Variants in EPHA5 observed in about 807,000 individuals in gnomAD.
EPHA5 encodes ephrin type-A receptor 5.
In EPHA5, 60 loss-of-function variants were observed where a neutral mutation model predicts 105.0. The observed-to-expected ratio is 0.57, with a 90% CI of 0.46 to 0.71. EPHA5 has a LOEUF of 0.71. Among genes scored for constraint, EPHA5 ranks in the 30% least tolerant of loss-of-function variants. The pLI, the probability that EPHA5 is intolerant of heterozygous loss-of-function variation, is 0.00. For missense variants in EPHA5, 1,218 were observed against 1,274.7 expected (o/e 0.96, Z 0.68); for synonymous variants, 513 against 449.1 (o/e 1.14, Z -1.80).
chr4:65,502,875 A>G (rs1489425296), intron 3 of EPHA5, among the ~76,000 whole-genome samples: 1 of 151,848 alleles, frequency 6.6e-6, no homozygotes, highest in Non-Finnish European at 1.5e-5. Flanking sequence ...GTTTCCACCA[A>G]TGGTGGACTG....
chr4:65,421,352 A>G (rs1723930047), intron 5 of EPHA5, among the ~76,000 whole-genome samples: 1 of 152,144 alleles, frequency 6.6e-6, no homozygotes, highest in South Asian at 2.1e-4. Flanking sequence ...AGACATGGCA[A>G]CATAGAATAG....
chr4:65,332,213 T>C lies in EPHA5; in HGVS notation c.2790-85A>G, dbSNP rs1290358572. 1.4e-5 allele frequency: 15 copies of C among 1,106,838 alleles called. No individual in the cohort carries two copies. The South Asian group carries it at 1.7e-4, about 13-fold the overall frequency. The allele number at this position is 1,106,838 out of a possible 1,614,324, so 68.6% of individuals were successfully genotyped here. A position where few individuals can be genotyped will look rare whatever the true frequency, so the allele number is the denominator to read the frequency against. ...TACTATAATGTTAACTCATATTCAA[T>C]GGATCTTTGAGTCTGTAAGTATATT... On this transcript the variant is annotated intron_variant, in intron 15 of 16. Transcript: ENST00000613740.
chr4:65,460,660 A>C (rs537461661), intron 5 of EPHA5, among the ~76,000 whole-genome samples: 1 of 151,866 alleles, frequency 6.6e-6, no homozygotes, highest in African/African-American at 2.4e-5. Context: ...AGGTAGATAA[A>C]AATTAGAGAC....
chr4:65,644,348 T>G (rs1333325711), intron 1 of EPHA5, among the ~76,000 whole-genome samples: 2 of 152,040 alleles, frequency 1.3e-5, no homozygotes, highest in Non-Finnish European at 2.9e-5. Flanking sequence ...CAGATCATTA[T>G]TTTTCCAACC....
rs1299268357 is a variant in EPHA5, at chr4:65,493,520, A to G, written c.1066+1868T>C. 2.6e-5 allele frequency among the ~76,000 whole-genome samples: 4 copies of G among 152,188 alleles called. No individual in the cohort carries two copies. In the East Asian group the frequency reaches 7.7e-4, roughly 29 times the overall value. ...AATCATATGCAGTATTTGTGGTATT[A>G]TGAATGCAACTAAAAACATACACAC... On this transcript the variant is annotated intron_variant, in intron 4 of 16. Coordinates refer to ENST00000613740, the MANE Select transcript of EPHA5 (RefSeq NM_001281766.3).
intron 3 of EPHA5, among the ~76,000 whole-genome samples, chr4:65,565,410 C>T (rs1739433485): frequency 6.6e-6 from 1 of 151,642 alleles, no homozygotes; most frequent in Admixed American, 6.6e-5. Context: ...GCGAAAGGGA[C>T]TCACAAACAT....
At chr4:65,586,557 C>T (rs1222893731) in intron 3 of EPHA5, among the ~76,000 whole-genome samples, 2 of 151,912 alleles carry the variant, frequency 1.3e-5, no homozygotes, top group African/African-American at 2.4e-5. Context: ...TACATCTCTT[C>T]CCCTGTCATT....
chr4:65,483,992 C>G (rs1330034250), intron 5 of EPHA5, among the ~76,000 whole-genome samples: 4 of 152,134 alleles, frequency 2.6e-5, no homozygotes, highest in Admixed American at 2.6e-4. Context: ...CCTATTCAGT[C>G]TACATGGAAG....
intron 3 of EPHA5, among the ~76,000 whole-genome samples, chr4:65,509,928 GACAGGTGGATCTGGTAAC>G (rs1165717254): frequency 2.6e-5 from 4 of 152,008 alleles, no homozygotes; most frequent in African/African-American, 9.7e-5. Flanking sequence ...GAGAGTTCAG[GACAGGTGGATCTGGTAAC>G]ACAGCTAAGC....
chr4:65,623,060 C>T (rs1745843133), intron 2 of EPHA5, among the ~76,000 whole-genome samples: 1 of 152,028 alleles, frequency 6.6e-6, no homozygotes, highest in Non-Finnish European at 1.5e-5. Flanking sequence ...GAAAAGTTAG[C>T]AGTCCCATAT....
chr4:65,340,492 T>C (rs958254522), intron 14 of EPHA5, among the ~76,000 whole-genome samples: 3 of 152,002 alleles, frequency 2.0e-5, no homozygotes, highest in Admixed American at 6.6e-5. Context: ...GGGAGAAATA[T>C]GTGTGAAACC....
At chr4:65,325,929 A>G (rs1720030397) in intron 16 of EPHA5, among the ~76,000 whole-genome samples, 2 of 150,512 alleles carry the variant, frequency 1.3e-5, no homozygotes, top group Non-Finnish European at 3.0e-5. Flanking sequence ...CCAGCCCTTC[A>G]TTTTTACAAG....
chr4:65,575,345 C>G (rs1353454915), intron 3 of EPHA5, among the ~76,000 whole-genome samples: 1 of 152,124 alleles, frequency 6.6e-6, no homozygotes, highest in African/African-American at 2.4e-5. Context: ...AACCCCACTC[C>G]TTAACAACTT....
rs2148813007 is a variant in EPHA5, at chr4:65,335,994, G to C, written c.2727C>G (p.Asn909Lys). ...NSRPKFDEIV[N>K]MLDKLIRNPS... ...GGTTACGTATCAGCTTGTCCAACAT[G>C]TTGACTATTTCATCAAACTTGGGCC... Residue 909 changes from asparagine to lysine, a missense_variant, in exon 15 of 17, where the codon AAC (asparagine) becomes AAG (lysine). Around this residue, in one of 3 missense-constraint regions of EPHA5, gnomAD observed 971 missense variants for 1,013.5 expected, o/e 0.96. Transcript: ENST00000613740. The C allele has an allele frequency of 6.2e-7, 1 of 1,613,232 alleles. No individual in the cohort carries two copies. The highest frequency in any genetic ancestry group is 8.5e-7 in the Non-Finnish European group (1 of 1,179,532).
At chr4:65,646,668 A>G (rs1383605699) in intron 1 of EPHA5, among the ~76,000 whole-genome samples, 1 of 152,180 alleles carries the variant, frequency 6.6e-6, no homozygotes. Context: ...TTTATATGGT[A>G]TATCAGTAGA....
chr4:65,358,856 T>C (rs889554460), intron 11 of EPHA5, among the ~76,000 whole-genome samples: 1 of 151,556 alleles, frequency 6.6e-6, no homozygotes, highest in Admixed American at 6.6e-5. Context: ...CTTTCCAAAA[T>C]ATCCTCTTTA....
chr4:65,404,917 T>G (rs1722211352), intron 7 of EPHA5, among the ~76,000 whole-genome samples: 1 of 152,166 alleles, frequency 6.6e-6, no homozygotes, highest in African/African-American at 2.4e-5. Context: ...ATGGGATTTT[T>G]TTCCCCATAG....
Position 65,495,447 on chromosome 4 carries a change from C to A in EPHA5, c.1007G>T (p.Cys336Phe), listed in dbSNP as rs2149225870. Residue 336 changes from cysteine (C) to phenylalanine (F), a missense_variant, in exon 4 of 17, where the codon TGT becomes TTT. Cys to Phe is a radical substitution (Grantham distance 205, BLOSUM62 -2). Coordinates refer to ENST00000613740, the MANE Select transcript of EPHA5 (RefSeq NM_001281766.3). ...CCTGAAATAATCCTTTTCACAGACA[C>A]AAGAGGTTGAAGCTTCCTCATGGGT... ...SYTHEEASTSCVCEKDYFRRE... is the reference protein window; with the variant it reads ...SYTHEEASTSFVCEKDYFRRE... 6.2e-7 allele frequency: 1 copy of A among 1,613,844 alleles called. No homozygotes were observed. Among genetic ancestry groups the A allele is most frequent in the Non-Finnish European group, 8.5e-7 (1 of 1,179,840 alleles).
chr4:65,495,174 A>G (rs1007963512), intron 4 of EPHA5, among the ~76,000 whole-genome samples: 3 of 152,198 alleles, frequency 2.0e-5, no homozygotes, highest in Non-Finnish European at 4.4e-5. Flanking sequence ...GAAGTTAGGG[A>G]AAATGGATAC....
Sources: allele counts gnomAD v4.1 joint callset (sites outside exome capture counted in the v4.1 genomes callset), GRCh38; gene constraint gnomAD v4.1.1; regional missense constraint gnomAD v4.1.1; transcripts MANE v1.5; gene names NCBI Gene and HGNC (gene_info 2026-07-23, HGNC 2026-07-21).